Variants in DPH6 observed in about 807,000 individuals in gnomAD.
DPH6 encodes diphthamine biosynthesis 6, also known as diphthine--ammonia ligase.
A neutral mutation model predicts 38.2 loss-of-function variants in DPH6; 33 were observed. The observed-to-expected ratio is 0.86, with a 90% confidence interval of 0.65 to 1.15. DPH6 has a LOEUF of 1.15. Ranked by LOEUF, DPH6 falls within the 50% of genes most tolerant of loss-of-function variation. The pLI, the probability that DPH6 is intolerant of heterozygous loss-of-function variation, is 0.00. For synonymous variants in DPH6, 108 were observed against 103.0 expected (o/e 1.05, Z -0.30); for missense variants, 325 against 320.0 (o/e 1.02, Z -0.12).
intron 5 of DPH6, among the ~76,000 whole-genome samples, chr15:35,441,320 A>G (rs980139487): frequency 6.6e-6 from 1 of 152,222 alleles, no homozygotes; most frequent in African/African-American, 2.4e-5. Context: ...GTATATACCC[A>G]AAGGCTTATA....
At chr15:35,539,524 C>A (rs1193671097) in intron 2 of DPH6, among the ~76,000 whole-genome samples, 1 of 151,912 alleles carries the variant, frequency 6.6e-6, no homozygotes, top group African/African-American at 2.4e-5. Flanking sequence ...CCAATAAGAG[C>A]AGAGAATATG....
chr15:35,495,157 C>T (rs2054533024), intron 3 of DPH6, among the ~76,000 whole-genome samples: 1 of 152,092 alleles, frequency 6.6e-6, no homozygotes, highest in Admixed American at 6.6e-5. Flanking sequence ...ACTCCAGTAC[C>T]TCAGATGGTG....
downstream of DPH6, among the ~76,000 whole-genome samples, chr15:35,328,789 G>C (rs182810839): frequency 1.3e-5 from 2 of 152,146 alleles, no homozygotes; most frequent in Non-Finnish European, 2.9e-5. Context: ...CTGCTGATAA[G>C]TTGCCAGAGA....
chr15:35,251,210 A>T (rs1310188027), intron 3 of DPH6, among the ~76,000 whole-genome samples: 1 of 152,040 alleles, frequency 6.6e-6, no homozygotes, highest in Non-Finnish European at 1.5e-5. Flanking sequence ...AAGTAATTTC[A>T]ATTTTTATTT....
intron 5 of DPH6, among the ~76,000 whole-genome samples, chr15:35,415,017 C>T (rs1467591202): frequency 1.3e-5 from 2 of 151,950 alleles, no homozygotes; most frequent in Non-Finnish European, 2.9e-5. Flanking sequence ...TTGCCTGCTT[C>T]CTGGATCCCT....
At chr15:35,460,465 G>A (rs993193279) in intron 3 of DPH6, among the ~76,000 whole-genome samples, 2 of 152,008 alleles carry the variant, frequency 1.3e-5, no homozygotes, top group East Asian at 3.9e-4. Flanking sequence ...TAAACCACAG[G>A]GGCTCTCCGA....
intron 6 of DPH6, among the ~76,000 whole-genome samples, chr15:35,389,136 T>C (rs1342548378): frequency 1.3e-5 from 2 of 152,210 alleles, no homozygotes; most frequent in Non-Finnish European, 2.9e-5. Context: ...TCAGTTTCCA[T>C]GTAGTTGAGC....
Position 35,491,548 on chromosome 15 carries a change from TACACACACAC to T in DPH6, c.313-36738_313-36729del, listed in dbSNP as rs71309445. On this transcript the variant is annotated intron_variant, in intron 3 of 8. Coordinates refer to ENST00000256538, the MANE Select transcript of DPH6 (RefSeq NM_080650.4). Reference sequence around the variant, plus strand: ...TCCAGAGAATCAGAACCAATAGGTGTACACACACACACACACACACACACACACACACACA... The same window carrying T: ...TCCAGAGAATCAGAACCAATAGGTGTACACACACACACACACACACACACA... Among the ~76,000 whole-genome samples, 313 of 137,742 alleles carry T rather than the reference TACACACACAC, an allele frequency of 2.3e-3. 1 individual carries two copies. Among genetic ancestry groups the T allele is most frequent in the African/African-American group, 7.5e-3 (280 of 37,378 alleles). The allele number at this position is 137,742 out of a possible 152,430, so 90.4% of individuals were successfully genotyped here.
chr15:35,379,917 A>G (rs138098301), intron 7 of DPH6, among the ~76,000 whole-genome samples: 207 of 152,318 alleles, frequency 1.4e-3, no homozygotes, highest in African/African-American at 4.8e-3. Context: ...AGGATTTAGC[A>G]AAGTGGTCAG....
At position 35,546,148 on chromosome 15, in the gene DPH6, C is replaced by T. The variant is rs1181911940; in HGVS notation, c.-7G>A. The T allele has an allele frequency of 2.9e-6, 4 of 1,395,262 alleles. No homozygotes were observed. Among genetic ancestry groups the T allele is most frequent in the Non-Finnish European group, 9.4e-7 (1 of 1,060,518 alleles). The allele number at this position is 1,395,262 out of a possible 1,614,324, so 86.4% of individuals were successfully genotyped here. ...TCAGAGCCGCGACCCTCATGCTGGG[C>T]GCAGTGCGCGTGCGTGCGGCGAGCG... is the stretch of plus-strand genomic sequence containing the variant. On this transcript the variant is annotated 5_prime_UTR_variant, in exon 1 of 9. Coordinates refer to ENST00000256538, the MANE Select transcript of DPH6 (RefSeq NM_080650.4).
intron 3 of DPH6, among the ~76,000 whole-genome samples, chr15:35,475,961 A>C (rs2141137415): frequency 6.6e-6 from 1 of 151,990 alleles, no homozygotes; most frequent in East Asian, 1.9e-4. Flanking sequence ...AAATGAAAAG[A>C]ACAAAAATAT....
At chr15:35,269,086 T>C (rs187524116) in intron 3 of DPH6, among the ~76,000 whole-genome samples, 25 of 152,310 alleles carry the variant, frequency 1.6e-4, no homozygotes, top group Non-Finnish European at 3.5e-4. Context: ...CTATTCAGAC[T>C]TATCCCCTGA....
At chr15:35,447,321 A>C (rs994041037) in intron 5 of DPH6, among the ~76,000 whole-genome samples, 1 of 152,156 alleles carries the variant, frequency 6.6e-6, no homozygotes, top group African/African-American at 2.4e-5. Context: ...TACCACGGAG[A>C]GATACCAAAT....
At chr15:35,352,563 GA>G (rs1157477048) in intron 3 of DPH6, among the ~76,000 whole-genome samples, 1 of 152,132 alleles carries the variant, frequency 6.6e-6, no homozygotes, top group Non-Finnish European at 1.5e-5. Context: ...AGTTTGCTGA[GA>G]ATGATGGTTT....
At chr15:35,262,206 A>G (rs1266592879) in intron 3 of DPH6, among the ~76,000 whole-genome samples, 3 of 152,170 alleles carry the variant, frequency 2.0e-5, no homozygotes, top group African/African-American at 4.8e-5. Flanking sequence ...AATTTATTAC[A>G]TGGTGGCCTC....
intron 3 of DPH6, chr15:35,299,281 T>TC: frequency 9.5e-7 from 1 of 1,048,758 alleles, no homozygotes; most frequent in Admixed American, 1.7e-5. Context: ...TCGTTGTAGG[T>TC]CAATGACTGG....
chr15:35,390,938 T>G (rs897690453), intron 6 of DPH6, among the ~76,000 whole-genome samples: 1 of 152,128 alleles, frequency 6.6e-6, no homozygotes, highest in African/African-American at 2.4e-5. Flanking sequence ...GAGTTTCTGG[T>G]TTTTCTGCTC....
chr15:35,237,844 T>G (rs1278477333), intron 3 of DPH6: 10 of 1,533,324 alleles, frequency 6.5e-6, no homozygotes, highest in Admixed American at 1.7e-5. Flanking sequence ...AGGAGGAGGA[T>G]GAGGATGAGG....
In DPH6 at chr15:35,372,202, A is replaced by G; in HGVS notation, c.752T>C (p.Val251Ala). The G allele has an allele frequency of 6.8e-7, 1 of 1,478,954 alleles. No individual in the cohort carries two copies. 91.6% of individuals were successfully genotyped at this position (1,478,954 alleles called of 1,614,324 possible). Residue 251 changes from valine to alanine, a missense_variant and splice_region_variant, in exon 9 of 9, where the codon GTG becomes GCG. Physicochemically the swap from Val to Ala is moderately conservative, Grantham distance 64. Coordinates refer to ENST00000256538, the MANE Select transcript of DPH6 (RefSeq NM_080650.4). Reference sequence around the variant, plus strand: ...TCTGTAGTTGTCAGGCACTGAGGACACCTAAAAAAAAAAGGGAAGGAAAGG... The same window carrying G: ...TCTGTAGTTGTCAGGCACTGAGGACGCCTAAAAAAAAAAGGGAAGGAAAGG... ...RFLELHLEDK[V>A]SSVPDNYRTS...
Sources: gnomAD v4.1 joint callset for allele counts (sites outside exome capture counted in the v4.1 genomes callset) on GRCh38, gnomAD v4.1.1 for gene constraint, MANE v1.5 for transcripts, NCBI Gene and HGNC (gene_info 2026-07-23, HGNC 2026-07-21) for gene names.